The following SHROOM2 variants were observed in gnomAD, a reference collection of about 807,000 sequenced individuals.
The protein encoded by SHROOM2 is protein Shroom2.
In SHROOM2, 33 loss-of-function variants were observed where a neutral mutation model predicts 75.9. The observed-to-expected ratio is 0.43, with a 90% CI of 0.33 to 0.58. The LOEUF (loss-of-function observed/expected upper bound fraction) is 0.58. Among genes scored for constraint, SHROOM2 ranks in the 20% least tolerant of loss-of-function variants. The pLI is 0.04. For missense variants in SHROOM2, 1,434 were observed against 1,461.2 expected (o/e 0.98, Z 0.30); for synonymous variants, 655 against 663.6 (o/e 0.99, Z 0.20).
intron 9 of SHROOM2, among the ~76,000 whole-genome samples, chrX:9,946,099 C>T (rs1178952034): frequency 2.7e-5 from 3 of 112,849 alleles, no homozygotes; most frequent in African/African-American, 9.6e-5. Context: ...GCACCGTGCC[C>T]GAGGGGGCTG....
chrX:9,820,156 A>G (rs1180106334), intron 1 of SHROOM2, among the ~76,000 whole-genome samples: 1 of 90,426 alleles, frequency 1.1e-5, no homozygotes, highest in Non-Finnish European at 2.1e-5. Context: ...GAGCCTCAAG[A>G]TTTATTTTAT....
chrX:9,837,714 C>T (rs1323588313), intron 1 of SHROOM2, among the ~76,000 whole-genome samples: 4 of 112,188 alleles, frequency 3.6e-5, no homozygotes, highest in Non-Finnish European at 7.5e-5. Context: ...ATCTGCTGTA[C>T]TGGGGATGTC....
intron 1 of SHROOM2, 85 bp downstream of exon 1, chrX:9,786,795 G>T (rs1249523834): frequency 1.4e-6 from 1 of 715,056 alleles, no homozygotes; most frequent in African/African-American, 2.3e-5. Flanking sequence ...CGGGAGGGGC[G>T]GTAGGCTCGC....
chrX:9,896,584 T>C lies in SHROOM2; in HGVS notation c.2676T>C (p.Ser892=), dbSNP rs1282616302. 1.1e-5 allele frequency: 13 copies of C among 1,209,312 alleles called. No individual in the cohort carries two copies. The highest frequency in any genetic ancestry group is 1.5e-5 in the Non-Finnish European group (13 of 894,728). ...EQRKPLEARS[S]GRCHSADDIL... is the part of the protein sequence containing the mutation. ...GGAAACCTCTGGAGGCCAGGAGCTC[T>C]GGGCGCTGCCACTCAGCGGATGACA... Residue 892 remains serine (S), a synonymous_variant, in exon 4 of 10, where the codon TCT becomes TCC. Transcript: ENST00000380913.
chrX:9,853,299 A>G (rs2084050344), intron 1 of SHROOM2, among the ~76,000 whole-genome samples: 1 of 112,114 alleles, frequency 8.9e-6, no homozygotes, highest in East Asian at 2.8e-4. Context: ...CAGTGGCCAC[A>G]CCAGCAGTTC....
intron 1 of SHROOM2, among the ~76,000 whole-genome samples, chrX:9,835,954 G>A (rs1481671084): frequency 8.9e-6 from 1 of 112,194 alleles, no homozygotes; most frequent in Admixed American, 9.5e-5. Context: ...AGCTGGAGTT[G>A]TTCTAGAACC....
At position 9,895,495 on chromosome X, in the gene SHROOM2, C is replaced by T. The variant is rs1197223644; in HGVS notation, c.1587C>T (p.Ala529=). Reference sequence around the variant, plus strand: ...CTCAGCCTGAGGGTCCTCCGGATGCCCGCGAGACAGGACGGTGTTACCCGC... The same window carrying T: ...CTCAGCCTGAGGGTCCTCCGGATGCTCGCGAGACAGGACGGTGTTACCCGC... ...HLPQPEGPPD[A]RETGRCYPLD... is the part of the protein sequence containing the mutation. The change falls in exon 4 of 10, where the codon GCC becomes GCT. Residue 529 remains alanine, a synonymous_variant. Coordinates refer to ENST00000380913, the MANE Select transcript of SHROOM2 (RefSeq NM_001649.4). 8.3e-7 allele frequency: 1 copy of T among 1,206,586 alleles called. No individual in the cohort carries two copies. Among genetic ancestry groups the T allele is most frequent in the Non-Finnish European group, 1.1e-6 (1 of 893,440 alleles).
At chrX:9,890,615 G>C (rs185637160) in intron 2 of SHROOM2, among the ~76,000 whole-genome samples, 1 of 112,535 alleles carries the variant, frequency 8.9e-6, no homozygotes, top group Non-Finnish European at 1.9e-5. Context: ...TGTTTGGCTC[G>C]AGCGCGCACG....
intron 1 of SHROOM2, among the ~76,000 whole-genome samples, chrX:9,861,777 T>G (rs1383743613): frequency 6.3e-5 from 7 of 111,931 alleles, no homozygotes; most frequent in Non-Finnish European, 1.3e-4. Flanking sequence ...TTCTCCAAAT[T>G]GTGTACGTAA....
chrX:9,862,748 C>T (rs768008210), intron 1 of SHROOM2, among the ~76,000 whole-genome samples: 10 of 112,456 alleles, frequency 8.9e-5, no homozygotes, highest in Middle Eastern at 4.7e-3. Context: ...TGGAGAAACG[C>T]CCACAGGGTC....
chrX:9,829,143 C>T (rs1169138342), intron 1 of SHROOM2, among the ~76,000 whole-genome samples: 2 of 112,205 alleles, frequency 1.8e-5, no homozygotes, highest in South Asian at 3.7e-4. Context: ...CCTGCCTCAG[C>T]CTCCTGAGTA....
At chrX:9,929,104 A>G (rs2084622857) in intron 5 of SHROOM2, among the ~76,000 whole-genome samples, 1 of 112,896 alleles carries the variant, frequency 8.9e-6, no homozygotes, top group African/African-American at 3.2e-5. Context: ...CACAACCTGC[A>G]GAGCTGCCTC....
At chrX:9,789,091 G>A (rs962411558) in intron 1 of SHROOM2, among the ~76,000 whole-genome samples, 3 of 111,587 alleles carry the variant, frequency 2.7e-5, no homozygotes, top group African/African-American at 9.8e-5. Flanking sequence ...CCTCCCACGC[G>A]TTGGCCCTGA....
chrX:9,816,995 G>A (rs1442181274), intron 1 of SHROOM2, among the ~76,000 whole-genome samples: 1 of 109,799 alleles, frequency 9.1e-6, no homozygotes, highest in Non-Finnish European at 1.9e-5. Context: ...TTTAAGAGAC[G>A]TTGTCCTGCT....
At chrX:9,889,289 C>T (rs907176225) in intron 2 of SHROOM2, among the ~76,000 whole-genome samples, 3 of 112,636 alleles carry the variant, frequency 2.7e-5, no homozygotes, top group Admixed American at 9.4e-5. Context: ...TTGTGTTATA[C>T]ATGCTTTTCA....
Position 9,937,150 on chromosome X carries a change from G to A in SHROOM2, c.3604G>A (p.Asp1202Asn), listed in dbSNP as rs2084717693. 4 of 1,194,905 alleles carry A rather than the reference G, an allele frequency of 3.3e-6. No individual in the cohort carries two copies. The African/African-American group carries it at 5.3e-5, about 16-fold the overall frequency. Reference protein sequence around the residue: ...EDSTRIERVMDNNTTVKMVPI... With the variant: ...EDSTRIERVMNNNTTVKMVPI... ...ATCTTCCAGAATTGAGCGGGTGATG[G>A]ACAACAACACCACGGTGAAGATGGT... Residue 1202 changes from aspartate to asparagine, a missense_variant, in exon 7 of 10, where the codon GAC becomes AAC. This residue lies in a region of SHROOM2 where 1,340 missense variants were observed against 1,338.3 expected (regional missense o/e 1.00). Transcript: ENST00000380913.
At chrX:9,866,905 C>T (rs967287632) in intron 1 of SHROOM2, among the ~76,000 whole-genome samples, 10 of 110,562 alleles carry the variant, frequency 9.0e-5, no homozygotes, top group Admixed American at 2.9e-4. Flanking sequence ...ACGGGGAAGC[C>T]TCTGCGGAAG....
rs2083955081 is a variant in SHROOM2, at chrX:9,837,798, G to GT, written c.166-35851dup. Among the ~76,000 whole-genome samples, 3 of 111,457 alleles carry GT rather than the reference G, an allele frequency of 2.7e-5. No individual in the cohort carries two copies. The South Asian group carries it at 1.1e-3, about 42-fold the overall frequency. ...ACCCTCCTGTCCTTGCTGGCTCAGTGTTTGTGTGCCTGGCCAATATAATGT... is the reference window on the plus strand; with the variant it reads ...ACCCTCCTGTCCTTGCTGGCTCAGTGTTTTGTGTGCCTGGCCAATATAATGT... On this transcript the variant is annotated intron_variant, in intron 1 of 9. Coordinates refer to ENST00000380913, the MANE Select transcript of SHROOM2 (RefSeq NM_001649.4).
Position 9,942,706 on chromosome X carries a change from C to A in SHROOM2, c.4312-1935C>A, listed in dbSNP as rs1345705446. On this transcript the variant is annotated intron_variant, in intron 8 of 9. Coordinates refer to ENST00000380913, the MANE Select transcript of SHROOM2 (RefSeq NM_001649.4). ...CCCTCCAGGAACCTTCTTGTCTTCACCTGTCAGGAAGTCTCCAGCCCCGTC... is the reference window on the plus strand; with the variant it reads ...CCCTCCAGGAACCTTCTTGTCTTCAACTGTCAGGAAGTCTCCAGCCCCGTC... Among the ~76,000 whole-genome samples the A allele has an allele frequency of 4.5e-5, 5 of 111,945 alleles. No individual in the cohort carries two copies. In the East Asian group the frequency reaches 1.4e-3, roughly 31 times the overall value.
Sources: gnomAD v4.1 joint callset for allele counts (sites outside exome capture counted in the v4.1 genomes callset) on GRCh38, gnomAD v4.1.1 for gene constraint, gnomAD v4.1.1 regional missense constraint, MANE v1.5 for transcripts, NCBI Gene and HGNC (gene_info 2026-07-23, HGNC 2026-07-21) for gene names.